SEMA3A: variants seen among roughly 807,000 people sequenced by gnomAD.
SEMA3A encodes the protein semaphorin-3A.
A neutral mutation model predicts 97.9 loss-of-function variants in SEMA3A; 29 were observed. The ratio of observed to expected loss-of-function variants is 0.30; its 90% CI spans 0.22 to 0.40. The LOEUF is 0.40. Ranked by LOEUF, SEMA3A falls within the 10% of genes least tolerant of loss-of-function variation. SEMA3A has a pLI of 1.00. For missense variants in SEMA3A, 763 were observed against 951.3 expected (o/e 0.80, Z 2.60); for synonymous variants, 321 against 323.7 (o/e 0.99, Z 0.09).
At position 84,474,885 on chromosome 7, in the gene SEMA3A, G is replaced by C. The variant is rs890633344; in HGVS notation, c.-246+17575C>G. 5.3e-5 allele frequency among the ~76,000 whole-genome samples: 8 copies of C among 151,772 alleles called. No homozygotes were observed. The South Asian group carries it at 1.7e-3, about 32-fold the overall frequency. ...ATTGTCTCTCTATTTTAGGGGATCA[G>C]AACGCTTTGGAGAAATATTAGAGGT... On this transcript the variant is annotated intron_variant, in intron 1 of 3. Transcript: ENST00000424555.
Position 84,268,249 on chromosome 7 carries a change from A to ATGTGTGTG in SEMA3A, c.-83+38950_-83+38957dup, listed in dbSNP as rs66460940. ...AAGATTTTTCCTGAGAGACATAAGC[A>ATGTGTGTG]TGTGTGTGTGTGTGTGTGTGTGTGT... On this transcript the variant is annotated intron_variant, in intron 3 of 3. Transcript: ENST00000424555. 8.6e-3 allele frequency among the ~76,000 whole-genome samples: 1,128 copies of ATGTGTGTG among 131,012 alleles called. 6 individuals carry two copies. Among genetic ancestry groups the ATGTGTGTG allele is most frequent in the East Asian group, 0.02 (89 of 4,344 alleles). 85.9% of individuals were successfully genotyped at this position (131,012 alleles called of 152,430 possible).
chr7:84,113,891 A>AC (rs1358462656), intron 3 of SEMA3A, among the ~76,000 whole-genome samples: 2 of 152,074 alleles, frequency 1.3e-5, no homozygotes, highest in African/African-American at 4.8e-5. Flanking sequence ...CAAACCACTT[A>AC]CCCTTATTTT....
At chr7:84,471,438 A>T (rs778383115) in intron 1 of SEMA3A, among the ~76,000 whole-genome samples, 1 of 152,132 alleles carries the variant, frequency 6.6e-6, no homozygotes, top group South Asian at 2.1e-4. Context: ...TCAGTGCAAG[A>T]TTTTTAATGA....
chr7:83,966,708 AT>A (rs1246605365), intron 15 of SEMA3A, among the ~76,000 whole-genome samples: 5 of 93,524 alleles, frequency 5.3e-5, no homozygotes, highest in South Asian at 3.6e-4. Flanking sequence ...TTAAAAGTAA[AT>A]TTTTTTTCTT....
intron 3 of SEMA3A, among the ~76,000 whole-genome samples, chr7:84,112,410 T>A (rs557770819): frequency 1.3e-5 from 2 of 152,214 alleles, no homozygotes; most frequent in Non-Finnish European, 2.9e-5. Context: ...CTGCATGCCA[T>A]GCCTTTAAAG....
chr7:84,032,621 T>C (rs983837169), intron 6 of SEMA3A, among the ~76,000 whole-genome samples: 1 of 152,134 alleles, frequency 6.6e-6, no homozygotes, highest in African/African-American at 2.4e-5. Flanking sequence ...TTAGAATTCG[T>C]GCAAAACAAT....
At chr7:84,150,766 T>A (rs532785932) in intron 1 of SEMA3A, among the ~76,000 whole-genome samples, 2 of 152,106 alleles carry the variant, frequency 1.3e-5, no homozygotes, top group Non-Finnish European at 2.9e-5. Context: ...CCTGCCTCTG[T>A]AGGCTCCACC....
chr7:84,474,867 C>T (rs1426248367), intron 1 of SEMA3A, among the ~76,000 whole-genome samples: 1 of 151,650 alleles, frequency 6.6e-6, no homozygotes. Flanking sequence ...AGAATTGTCT[C>T]TCTATTTTAG....
intron 4 of SEMA3A, among the ~76,000 whole-genome samples, chr7:84,089,578 T>C (rs577197132): frequency 2.6e-5 from 4 of 152,222 alleles, no homozygotes; most frequent in South Asian, 2.1e-4. Context: ...CATAAACTTA[T>C]GCTATAATTG....
intron 3 of SEMA3A, among the ~76,000 whole-genome samples, chr7:84,224,668 C>T (rs949707242): frequency 1.3e-5 from 2 of 152,008 alleles, no homozygotes; most frequent in South Asian, 4.1e-4. Context: ...ATTTAAGACA[C>T]CTTGAGCACC....
intron 3 of SEMA3A, among the ~76,000 whole-genome samples, chr7:84,280,637 A>C (rs2115740777): frequency 6.6e-6 from 1 of 152,134 alleles, no homozygotes; most frequent in Non-Finnish European, 1.5e-5. Context: ...TACAAAAATT[A>C]GCTGGGCATA....
At chr7:84,057,209 G>A (rs1793020403) in intron 5 of SEMA3A, among the ~76,000 whole-genome samples, 1 of 152,104 alleles carries the variant, frequency 6.6e-6, no homozygotes, top group Non-Finnish European at 1.5e-5. Context: ...ATACCTCTTA[G>A]GGATGGAATA....
chr7:84,315,834 C>T (rs531954347), intron 2 of SEMA3A, among the ~76,000 whole-genome samples: 38 of 151,806 alleles, frequency 2.5e-4, no homozygotes, highest in African/African-American at 4.6e-4. Flanking sequence ...CAAATTCACT[C>T]GATAATCTGA....
intron 4 of SEMA3A, among the ~76,000 whole-genome samples, chr7:84,093,716 T>C (rs1347236518): frequency 6.6e-6 from 1 of 152,202 alleles, no homozygotes; most frequent in African/African-American, 2.4e-5. Flanking sequence ...AGACACTGCA[T>C]GTTCTCATTT....
At chr7:84,128,130 C>T (rs1179314663) in intron 3 of SEMA3A, among the ~76,000 whole-genome samples, 1 of 152,032 alleles carries the variant, frequency 6.6e-6, no homozygotes, top group Non-Finnish European at 1.5e-5. Flanking sequence ...TATCTTTTTA[C>T]AATGCTAAAA....
chr7:84,446,213 A>G (rs1176197444), intron 1 of SEMA3A, among the ~76,000 whole-genome samples: 1 of 152,218 alleles, frequency 6.6e-6, no homozygotes, highest in Non-Finnish European at 1.5e-5. Flanking sequence ...GTATTCAAAC[A>G]TCTCTTGATA....
At chr7:84,105,126 G>A (rs1449618567) in intron 4 of SEMA3A, among the ~76,000 whole-genome samples, 2 of 152,060 alleles carry the variant, frequency 1.3e-5, no homozygotes, top group African/African-American at 2.4e-5. Context: ...ATCTCAGAAA[G>A]ACAATCCACC....
At chr7:84,151,203 G>A (rs1297342589) in intron 1 of SEMA3A, among the ~76,000 whole-genome samples, 55 of 151,682 alleles carry the variant, frequency 3.6e-4, no homozygotes, top group Admixed American at 2.0e-3. Flanking sequence ...CCAAAGGAAC[G>A]CAGCTCCTCA....
At chr7:84,050,316 G>T (rs940196024) in intron 5 of SEMA3A, among the ~76,000 whole-genome samples, 1 of 152,144 alleles carries the variant, frequency 6.6e-6, no homozygotes, top group African/African-American at 2.4e-5. Flanking sequence ...CTAGTTTACA[G>T]TCCCACCAAC....
Sources: gnomAD v4.1 joint callset for allele counts (sites outside exome capture counted in the v4.1 genomes callset) on GRCh38, gnomAD v4.1.1 for gene constraint, MANE v1.5 for transcripts, NCBI Gene and HGNC (gene_info 2026-07-23, HGNC 2026-07-21) for gene names.